The following CFAP46 variants were observed in gnomAD, a reference collection of about 807,000 sequenced individuals.
CFAP46 encodes the protein cilia- and flagella-associated protein 46.
A neutral mutation model predicts 325.7 loss-of-function variants in CFAP46; 245 were observed. The observed-to-expected ratio is 0.75, with a 90% confidence interval of 0.68 to 0.84. The LOEUF (loss-of-function observed/expected upper bound fraction) is 0.84, where lower values mean the gene tolerates loss of function less well. CFAP46 is among the 40% of genes least tolerant of loss of function. CFAP46 has a pLI of 0.00. For missense variants in CFAP46, 3,346 were observed against 3,543.0 expected (o/e 0.94, Z 1.41); for synonymous variants, 1,523 against 1,495.9 (o/e 1.02, Z -0.42).
chr10:132,934,856 C>T lies in CFAP46; in HGVS notation c.762G>A (p.Ala254=), dbSNP rs117108074. ...TFYINMLKAK[A]EQNDLPGDIS... ...TGTCACCTGGTAAATCATTTTGCTC[C>T]GCTTTTCTAGAAATAATTCAGAGAG... is the stretch of plus-strand genomic sequence containing the variant. Residue 254 remains alanine, a synonymous_variant, in exon 8 of 58, where the codon GCG becomes GCA. Transcript: ENST00000368586. 191 of 1,589,960 alleles carry T rather than the reference C, an allele frequency of 1.2e-4. 1 individual carries two copies. In the East Asian group the frequency reaches 3.6e-3, roughly 30 times the overall value.
chr10:132,913,184 T>C lies in CFAP46; in HGVS notation c.2195A>G (p.Gln732Arg), dbSNP rs1478754377. The C allele has an allele frequency of 2.6e-6, 4 of 1,550,494 alleles. No individual in the cohort carries two copies. Among genetic ancestry groups the C allele is most frequent in the South Asian group, 2.4e-5 (2 of 84,062 alleles). ...GGCGTTCTGCACAATCCACGCCTCC[T>C]GGATCTCCTGTCCGATCTCTGCGGA... ...LRSAEIGQEI[Q>R]EAWIVQNAVV... Residue 732 changes from glutamine to arginine, a missense_variant, in exon 18 of 58, where the codon CAG (glutamine) becomes CGG (arginine). Physicochemically the swap from Gln to Arg is conservative, Grantham distance 43 (BLOSUM62 1). Coordinates refer to ENST00000368586, the MANE Select transcript of CFAP46 (RefSeq NM_001200049.3).
chr10:132,919,345 C>A lies in CFAP46; in HGVS notation c.1828G>T (p.Val610Phe). 1.3e-6 allele frequency: 2 copies of A among 1,550,182 alleles called. No homozygotes were observed. ...CGCAGCCTCAACTTCTTCACCTTGA[C>A]GTTGTCATACAGGAGGCAGAAGCGG... ...ASRFCLLYDN[V>F]KVKKLRLRRG... is the part of the protein sequence containing the mutation. Residue 610 changes from valine to phenylalanine, a missense_variant, in exon 15 of 58, where the codon GTC becomes TTC. Physicochemically the swap from Val to Phe is conservative, Grantham distance 50. Transcript: ENST00000368586. The surrounding 1 kb of genome is among the most constrained non-coding windows in gnomAD (Gnocchi z 9.7).
Position 132,893,933 on chromosome 10 carries a change from A to ACTG in CFAP46, c.3220-1519_3220-1517dup, listed in dbSNP as rs1591077285. Among the ~76,000 whole-genome samples, 333 of 119,854 alleles carry ACTG rather than the reference A, an allele frequency of 2.8e-3. 6 individuals carry two copies. In the South Asian group the frequency reaches 0.068, roughly 24 times the overall value. The allele number at this position is 119,854 out of a possible 152,430, so 78.6% of individuals were successfully genotyped here. The stretch of plus-strand genomic sequence containing the variant: ...TGCTGCAGCCCCCTGTGGGTTTGCC[A>ACTG]CTGGTAACACACTTTGAGGTTGCTG... On this transcript the variant is annotated intron_variant, in intron 24 of 57. Transcript: ENST00000368586.
chr10:132,838,118 G>A (rs552260197), intron 44 of CFAP46, among the ~76,000 whole-genome samples: 8 of 152,334 alleles, frequency 5.3e-5, no homozygotes, highest in Non-Finnish European at 4.4e-5. Flanking sequence ...CAGCAGCTCC[G>A]GCCCGTCCGC....
intron 55 of CFAP46, 88 bp from the exon 56 acceptor site, chr10:132,811,119 G>A (rs1002015721): frequency 3.6e-6 from 4 of 1,109,634 alleles, no homozygotes; most frequent in Non-Finnish European, 5.3e-6. Flanking sequence ...TGTGCCCCAA[G>A]GGCGCAGCAG....
rs1297261928 is a variant in CFAP46 at position 132,877,241 on chromosome 10, T to C, written c.4213-280A>G. On this transcript the variant is annotated intron_variant, in intron 30 of 57. Coordinates refer to ENST00000368586, the MANE Select transcript of CFAP46 (RefSeq NM_001200049.3). The surrounding 1 kb of genome is among the most constrained non-coding windows in gnomAD (Gnocchi z 5.7). Reference sequence around the variant, plus strand: ...GGCTCTGCAGCCTCTGCCTCCTGCGTCTCCCCTCAGTGACAGCTGGCTGGT... The same window carrying C: ...GGCTCTGCAGCCTCTGCCTCCTGCGCCTCCCCTCAGTGACAGCTGGCTGGT... Among the ~76,000 whole-genome samples, 1 of 152,056 alleles carries C rather than the reference T, an allele frequency of 6.6e-6. No homozygotes were observed. The highest frequency in any genetic ancestry group is 6.5e-5 in the Admixed American group (1 of 15,278).
intron 53 of CFAP46, 23 bp downstream of exon 53, chr10:132,814,554 A>G (rs1245731867): frequency 6.4e-7 from 1 of 1,554,362 alleles, no homozygotes; most frequent in Non-Finnish European, 8.7e-7. Context: ...GTGCCTGAAC[A>G]GGGAGCCCTG....
At chr10:132,861,452 T>G (rs1413963612) in intron 35 of CFAP46, among the ~76,000 whole-genome samples, 1 of 152,234 alleles carries the variant, frequency 6.6e-6, no homozygotes, top group Non-Finnish European at 1.5e-5. Flanking sequence ...CTGGGGCTCC[T>G]GCTGGCCCCG....
At chr10:132,913,377 G>GGAATT in intron 17 of CFAP46, 119 bp from the exon 18 acceptor site, 1 of 563,794 alleles carries the variant, frequency 1.8e-6, no homozygotes, top group Non-Finnish European at 3.1e-6. Context: ...GGAGGGGCGG[G>GGAATT]TGGGCGGCGA....
In CFAP46 at chr10:132,832,399, C is replaced by T. The variant is rs529259124; in HGVS notation, c.7117+959G>A. The stretch of plus-strand genomic sequence containing the variant: ...CCTGGGCTCTTCCTGCCCCCCCCCC[C>T]CAATGCTGTGGCCTGGAAATTCCCC... On this transcript the variant is annotated intron_variant, in intron 50 of 57. Coordinates refer to ENST00000368586, the MANE Select transcript of CFAP46 (RefSeq NM_001200049.3). The surrounding 1 kb of genome is among the most constrained non-coding windows in gnomAD (Gnocchi z 4.1). Among the ~76,000 whole-genome samples the T allele has an allele frequency of 1.4e-4, 19 of 131,166 alleles. No homozygotes were observed. The East Asian group carries it at 3.0e-3, about 21-fold the overall frequency. 86.0% of individuals were successfully genotyped at this position (131,166 alleles called of 152,430 possible).
chr10:132,910,187 T>A, intron 19 of CFAP46, 119 bp from the exon 20 acceptor site: 1 of 993,650 alleles, frequency 1.0e-6, no homozygotes, highest in Non-Finnish European at 1.3e-6. Context: ...TGAAGGGCCT[T>A]AAACACGAGA....
chr10:132,879,593 C>G lies in CFAP46; in HGVS notation c.3838G>C (p.Val1280Leu), dbSNP rs756505888. Residue 1280 changes from valine to leucine, a missense_variant, in exon 29 of 58, where the codon GTG (valine) becomes CTG (leucine). By Grantham distance (32) the Val-to-Leu change is conservative. Coordinates refer to ENST00000368586, the MANE Select transcript of CFAP46 (RefSeq NM_001200049.3). Reference sequence around the variant, plus strand: ...GACACCGCCTCCTCGGCCTCGGACACGGGGCTCCGTGGGGGCATCTCCACA... The same window carrying G: ...GACACCGCCTCCTCGGCCTCGGACAGGGGGCTCCGTGGGGGCATCTCCACA... ...VAVEMPPRSP[V>L]SEAEEAVSLE... The G allele has an allele frequency of 1.3e-6, 2 of 1,545,178 alleles. No individual in the cohort carries two copies. The highest frequency in any genetic ancestry group is 8.7e-7 in the Non-Finnish European group (1 of 1,145,068).
Position 132,869,170 on chromosome 10 carries a change from G to A in CFAP46, c.4610+104C>T. On this transcript the variant is annotated intron_variant, in intron 33 of 57. Transcript: ENST00000368586. This position sits in a 1 kb window ranked among gnomAD's most constrained non-coding sequence, Gnocchi z 6.2. ...CCCCAAGTGCTCACTCTCCCCAGAG[G>A]GGCAGGAGTCCAGGGAAGAGGGTGG... is the stretch of plus-strand genomic sequence containing the variant. 1 of 911,954 alleles carries A rather than the reference G, an allele frequency of 1.1e-6. No individual in the cohort carries two copies. The highest frequency in any genetic ancestry group is 1.6e-6 in the Non-Finnish European group (1 of 630,002). 56.5% of individuals were successfully genotyped at this position (911,954 alleles called of 1,614,324 possible).
Position 132,924,890 on chromosome 10 carries a change from C to T in CFAP46, c.1066-4G>A, listed in dbSNP as rs775394901. On this transcript the variant is annotated splice_polypyrimidine_tract_variant and splice_region_variant and intron_variant, in intron 10 of 57. Coordinates refer to ENST00000368586, the MANE Select transcript of CFAP46 (RefSeq NM_001200049.3). ...TCTGTATGATATCCAGCTGGGCCTGCGGAGAAGACGTGGGGGATTCTAGGG... is the reference window on the plus strand; with the variant it reads ...TCTGTATGATATCCAGCTGGGCCTGTGGAGAAGACGTGGGGGATTCTAGGG... 7.4e-5 allele frequency: 101 copies of T among 1,373,872 alleles called. No individual in the cohort carries two copies. In the South Asian group the frequency reaches 1.6e-3, roughly 21 times the overall value. 85.1% of individuals were successfully genotyped at this position (1,373,872 alleles called of 1,614,324 possible).
chr10:132,911,416 G>A (rs1315222111), intron 19 of CFAP46, among the ~76,000 whole-genome samples: 1 of 152,202 alleles, frequency 6.6e-6, no homozygotes, highest in East Asian at 1.9e-4. Flanking sequence ...TGCAGGATGA[G>A]CTTTAGCACA....
Position 132,836,135 on chromosome 10 carries a change from T to C in CFAP46, c.6613+7A>G, listed in dbSNP as rs1204442594. 2.0e-6 allele frequency: 3 copies of C among 1,530,066 alleles called. No homozygotes were observed. The highest frequency in any genetic ancestry group is 1.8e-6 in the Non-Finnish European group (2 of 1,132,712). The allele number at this position is 1,530,066 out of a possible 1,614,324, so 94.8% of individuals were successfully genotyped here. On this transcript the variant is annotated splice_region_variant and intron_variant, in intron 46 of 57. Coordinates refer to ENST00000368586, the MANE Select transcript of CFAP46 (RefSeq NM_001200049.3). ...TCCCCCTCCCCCTCCCCTGCAGCCC[T>C]GCTCACCTCCCACCGCCTGCACCTT...
intron 35 of CFAP46, among the ~76,000 whole-genome samples, chr10:132,864,741 T>C (rs1311488411): frequency 1.8e-5 from 2 of 113,238 alleles, no homozygotes; most frequent in Non-Finnish European, 3.4e-5. Flanking sequence ...GCCTGAGACC[T>C]GCACACTCCT....
chr10:132,829,728 C>T (rs1228271330), intron 50 of CFAP46, among the ~76,000 whole-genome samples: 2 of 152,276 alleles, frequency 1.3e-5, no homozygotes, highest in Admixed American at 1.3e-4. Context: ...GTTTGTATTC[C>T]GAATGGATGT....
chr10:132,883,703 G>C (rs1849080353), intron 27 of CFAP46, among the ~76,000 whole-genome samples: 1 of 152,242 alleles, frequency 6.6e-6, no homozygotes, highest in Non-Finnish European at 1.5e-5. Flanking sequence ...GCAGACAATG[G>C]GAAGCAACAC....
Sources: gnomAD v4.1 joint callset for allele counts (sites outside exome capture counted in the v4.1 genomes callset) on GRCh38, gnomAD v4.1.1 for gene constraint, Gnocchi (gnomAD v3.1) non-coding constraint, MANE v1.5 for transcripts, NCBI Gene and HGNC (gene_info 2026-07-23, HGNC 2026-07-21) for gene names.